Variants in DHX35 observed in about 807,000 individuals in gnomAD.
DHX35 encodes probable ATP-dependent RNA helicase DHX35.
In DHX35, 84 loss-of-function variants were observed where a neutral mutation model predicts 99.6. The ratio of observed to expected loss-of-function variants is 0.84; its 90% CI spans 0.71 to 1.01. The LOEUF (loss-of-function observed/expected upper bound fraction) is 1.01, where lower values mean the gene tolerates loss of function less well. Among genes scored for constraint, DHX35 ranks in the 50% least tolerant of loss-of-function variants. The pLI, the probability that DHX35 is intolerant of heterozygous loss-of-function variation, is 0.00. For synonymous variants in DHX35, 331 were observed against 316.2 expected (o/e 1.05, Z -0.50); for missense variants, 852 against 888.5 (o/e 0.96, Z 0.52).
Position 39,038,644 on chromosome 20 carries a change from A to C in DHX35, c.*101A>C. ...GTGAGCTGGCACCAGCTCCTGTGGA[A>C]TGTTTGGTTGCTCTGAAGTGGGCTG... On this transcript the variant is annotated 3_prime_UTR_variant, in exon 22 of 22. Transcript: ENST00000252011. 1 of 1,269,294 alleles carries C rather than the reference A, an allele frequency of 7.9e-7. No individual in the cohort carries two copies. Among genetic ancestry groups the C allele is most frequent in the Non-Finnish European group, 1.1e-6 (1 of 904,082 alleles). 78.6% of individuals were successfully genotyped at this position (1,269,294 alleles called of 1,614,324 possible).
chr20:39,006,741 T>C (rs959795124), intron 12 of DHX35, among the ~76,000 whole-genome samples: 3 of 152,220 alleles, frequency 2.0e-5, no homozygotes, highest in East Asian at 1.9e-4. Context: ...GAGCCTCACA[T>C]TGGGTTCCCC....
intron 7 of DHX35, among the ~76,000 whole-genome samples, chr20:38,993,023 C>G (rs2086365125): frequency 1.3e-5 from 2 of 152,296 alleles, no homozygotes; most frequent in South Asian, 4.1e-4. Context: ...CACAGCCAAT[C>G]TTGTTTCAAT....
At chr20:39,021,768 G>A (rs955770881) in intron 15 of DHX35, 73 bp from the exon 16 acceptor site, 29 of 1,415,608 alleles carry the variant, frequency 2.0e-5, no homozygotes, top group African/African-American at 2.8e-5. Context: ...TGCAAGGAAA[G>A]TATCAGAAAA....
chr20:39,000,595 T>A (rs1384981689), intron 8 of DHX35, among the ~76,000 whole-genome samples: 3 of 152,200 alleles, frequency 2.0e-5, no homozygotes, highest in Non-Finnish European at 2.9e-5. Flanking sequence ...TCCCTGTATT[T>A]TGTGGTTAAA....
chr20:38,991,252 C>T (rs922232172), intron 5 of DHX35, among the ~76,000 whole-genome samples: 5 of 152,136 alleles, frequency 3.3e-5, no homozygotes, highest in Non-Finnish European at 7.3e-5. Flanking sequence ...ATTTGCAACT[C>T]CAGCTGAGGA....
intron 3 of DHX35, among the ~76,000 whole-genome samples, chr20:38,975,609 G>A (rs935147809): frequency 6.6e-6 from 1 of 152,198 alleles, no homozygotes; most frequent in African/African-American, 2.4e-5. Context: ...AGTCTGTGAC[G>A]TTATGTAGTC....
chr20:39,016,653 G>A (rs750817046), intron 14 of DHX35, among the ~76,000 whole-genome samples: 36 of 152,292 alleles, frequency 2.4e-4, no homozygotes, highest in Non-Finnish European at 4.6e-4. Flanking sequence ...ATGTATGAGA[G>A]TTCCAGTTTT....
At chr20:38,985,218 A>G (rs534868413) in intron 4 of DHX35, among the ~76,000 whole-genome samples, 7 of 152,206 alleles carry the variant, frequency 4.6e-5, no homozygotes, top group African/African-American at 1.7e-4. Flanking sequence ...CCCTGTCTCT[A>G]CAAAACAATT....
intron 7 of DHX35, among the ~76,000 whole-genome samples, chr20:38,993,227 A>T (rs1029230230): frequency 1.3e-5 from 2 of 152,200 alleles, no homozygotes; most frequent in African/African-American, 2.4e-5. Context: ...TAGTCTCTAT[A>T]TCTGTGCTGG....
chr20:38,983,008 C>T (rs1040885952), intron 3 of DHX35, among the ~76,000 whole-genome samples: 7 of 151,820 alleles, frequency 4.6e-5, no homozygotes, highest in Non-Finnish European at 7.4e-5. Context: ...TCACTGCAAC[C>T]TCCACCTCCC....
At chr20:38,997,046 T>TTTTATTTACTTA (rs1038691751) in intron 8 of DHX35, among the ~76,000 whole-genome samples, 12 of 148,910 alleles carry the variant, frequency 8.1e-5, no homozygotes, top group Admixed American at 2.0e-4. Context: ...CTTAGATTCA[T>TTTTATTTACTTA]TTTATTTATT....
chr20:38,984,433 T>C (rs1267688486), intron 4 of DHX35, among the ~76,000 whole-genome samples: 1 of 152,210 alleles, frequency 6.6e-6, no homozygotes, highest in Non-Finnish European at 1.5e-5. Flanking sequence ...ATAGAAATAA[T>C]TTTATAAAAA....
chr20:39,000,711 G>A (rs1388997896), intron 8 of DHX35, among the ~76,000 whole-genome samples: 1 of 152,158 alleles, frequency 6.6e-6, no homozygotes, highest in African/African-American at 2.4e-5. Flanking sequence ...AGCAGGATGG[G>A]CATGTTTTGT....
intron 3 of DHX35, chr20:38,978,384 C>T (rs2086115966): frequency 2.8e-6 from 2 of 704,018 alleles, no homozygotes; most frequent in Non-Finnish European, 5.3e-6. Flanking sequence ...AGTTCTGGGG[C>T]CTCACAGGGC....
At chr20:38,985,843 A>G (rs1414672974) in intron 4 of DHX35, among the ~76,000 whole-genome samples, 1 of 152,238 alleles carries the variant, frequency 6.6e-6, no homozygotes, top group African/African-American at 2.4e-5. Context: ...AGAGCTGTCA[A>G]GTTTGAAATG....
intron 9 of DHX35, 30 bp from the exon 10 acceptor site, chr20:39,002,742 G>A: frequency 6.3e-7 from 1 of 1,578,808 alleles, no homozygotes; most frequent in Non-Finnish European, 8.7e-7. Context: ...GCATATTCTA[G>A]TGATGAATTC....
chr20:39,002,648 A>G (rs1413303044), intron 9 of DHX35, 124 bp from the exon 10 acceptor site: 6 of 672,664 alleles, frequency 8.9e-6, no homozygotes, highest in African/African-American at 1.8e-5. Context: ...TTTATCCTGT[A>G]CTAATTACCT....
chr20:38,968,146 G>A (rs902237992), intron 1 of DHX35, among the ~76,000 whole-genome samples: 7 of 152,170 alleles, frequency 4.6e-5, no homozygotes, highest in African/African-American at 1.7e-4. Context: ...GACATGGAGT[G>A]GGCCCTTGGT....
intron 3 of DHX35, among the ~76,000 whole-genome samples, chr20:38,982,932 T>TC (rs1336634687): frequency 1.3e-5 from 2 of 151,604 alleles, no homozygotes; most frequent in Admixed American, 6.6e-5. Flanking sequence ...CAAATTTTTT[T>TC]TTTTTTTTTT....
Sources: gnomAD v4.1 joint callset for allele counts (sites outside exome capture counted in the v4.1 genomes callset) on GRCh38, gnomAD v4.1.1 for gene constraint, MANE v1.5 for transcripts, NCBI Gene and HGNC (gene_info 2026-07-23, HGNC 2026-07-21) for gene names.